The following GLDC variants were observed in gnomAD, a reference collection of about 807,000 sequenced individuals.
GLDC encodes the protein glycine dehydrogenase (decarboxylating), mitochondrial.
Under a neutral mutation model 121.3 loss-of-function variants are expected in GLDC, and 104 were observed. The observed-to-expected ratio is 0.86, with a 90% confidence interval of 0.73 to 1.01. The LOEUF is 1.01. Ranked by LOEUF, GLDC falls within the 50% of genes least tolerant of loss-of-function variation. The pLI, the probability that GLDC is intolerant of heterozygous loss-of-function variation, is 0.00. For missense variants in GLDC, 1,429 were observed against 1,306.6 expected (o/e 1.09, Z -1.44); for synonymous variants, 546 against 480.6 (o/e 1.14, Z -1.78).
chr9:6,599,231 G>C (rs1334183457), intron 8 of GLDC, among the ~76,000 whole-genome samples: 1 of 151,532 alleles, frequency 6.6e-6, no homozygotes, highest in Non-Finnish European at 1.5e-5. Context: ...GTTCACTGCA[G>C]ACAGCCCAAA....
chr9:6,644,452 C>G, intron 2 of GLDC, 162 bp downstream of exon 2: 1 of 672,514 alleles, frequency 1.5e-6, no homozygotes, highest in South Asian at 1.6e-5. Context: ...AACCAAATAT[C>G]CCACCTTCCC....
At chr9:6,584,457 T>C (rs1331917287) in intron 15 of GLDC, among the ~76,000 whole-genome samples, 1 of 152,220 alleles carries the variant, frequency 6.6e-6, no homozygotes, top group Non-Finnish European at 1.5e-5. Flanking sequence ...AGCCCTGTTG[T>C]AGACACAGAA....
chr9:6,543,235 A>C (rs1387781573), intron 21 of GLDC, among the ~76,000 whole-genome samples: 1 of 152,164 alleles, frequency 6.6e-6, no homozygotes, highest in Non-Finnish European at 1.5e-5. Context: ...TGATAATGTG[A>C]CTGTACTCCA....
chr9:6,542,835 G>A (rs980382285), intron 21 of GLDC, among the ~76,000 whole-genome samples: 4 of 137,348 alleles, frequency 2.9e-5, no homozygotes, highest in Middle Eastern at 9.4e-3. Context: ...GCAGTGAGCC[G>A]AGATCACATC....
chr9:6,585,397 G>C (rs569347544), intron 15 of GLDC, among the ~76,000 whole-genome samples: 4 of 152,266 alleles, frequency 2.6e-5, no homozygotes, highest in East Asian at 3.9e-4. Flanking sequence ...ACTGAGGTTT[G>C]TCTCTTAAAA....
intron 3 of GLDC, among the ~76,000 whole-genome samples, chr9:6,611,078 G>C (rs1040599557): frequency 6.6e-6 from 1 of 152,326 alleles, no homozygotes; most frequent in Non-Finnish European, 1.5e-5. Context: ...TACATGCTAA[G>C]AAATTAATAG....
chr9:6,642,341 C>A (rs1027026532), intron 2 of GLDC, among the ~76,000 whole-genome samples: 2 of 151,908 alleles, frequency 1.3e-5, no homozygotes, highest in Non-Finnish European at 2.9e-5. Flanking sequence ...ACCAGCCTGG[C>A]CAACATGGAG....
At chr9:6,574,700 C>T (rs1818030478) in intron 15 of GLDC, among the ~76,000 whole-genome samples, 1 of 152,092 alleles carries the variant, frequency 6.6e-6, no homozygotes, top group Non-Finnish European at 1.5e-5. Context: ...TCATCCCTCA[C>T]CCTGCTTTTT....
chr9:6,635,188 C>A (rs1471657680), intron 2 of GLDC, among the ~76,000 whole-genome samples: 1 of 152,184 alleles, frequency 6.6e-6, no homozygotes, highest in African/African-American at 2.4e-5. Context: ...CTGGGGATAT[C>A]TTTATCATCT....
rs1340780517 is a variant in GLDC at position 6,595,071 on chromosome 9, G to A, written c.1204C>T (p.His402Tyr). 1 of 1,613,474 alleles carries A rather than the reference G, an allele frequency of 6.2e-7. No individual in the cohort carries two copies. Among genetic ancestry groups the A allele is most frequent in the South Asian group, 1.1e-5 (1 of 91,064 alleles). Residue 402 changes from histidine (H) to tyrosine (Y), a missense_variant, in exon 9 of 25, where the codon CAT becomes TAT. Coordinates refer to ENST00000321612, the MANE Select transcript of GLDC (RefSeq NM_000170.3). ...AAMFAIYHGS[H>Y]GLEHIARRVH... ...CTCCTAGCAATATGCTCCAGCCCAT[G>A]GGAACCATGGTAGATTGCAAACATG...
chr9:6,550,646 A>G (rs1210284450), intron 21 of GLDC, among the ~76,000 whole-genome samples, 157 bp downstream of exon 21: 1 of 152,166 alleles, frequency 6.6e-6, no homozygotes. Flanking sequence ...AAGATAAAAT[A>G]AAATAAACCC....
intron 22 of GLDC, 144 bp downstream of exon 22, chr9:6,539,907 A>G (rs771526466): frequency 1.5e-4 from 103 of 687,052 alleles, no homozygotes; most frequent in Non-Finnish European, 2.6e-4. Context: ...TTTTTTCTCT[A>G]TTATTTTGGA....
intron 15 of GLDC, among the ~76,000 whole-genome samples, chr9:6,578,130 CT>C (rs931049650): frequency 1.1e-4 from 16 of 150,178 alleles, no homozygotes; most frequent in East Asian, 2.0e-4. Flanking sequence ...GTCCAGGCTT[CT>C]TTTTTTTTCG....
At chr9:6,548,238 T>C (rs1039099971) in intron 21 of GLDC, among the ~76,000 whole-genome samples, 2 of 152,244 alleles carry the variant, frequency 1.3e-5, no homozygotes, top group African/African-American at 4.8e-5. Flanking sequence ...TTACATTTTC[T>C]TTGTCATGCT....
At chr9:6,576,047 T>G (rs990817679) in intron 15 of GLDC, among the ~76,000 whole-genome samples, 1 of 152,210 alleles carries the variant, frequency 6.6e-6, no homozygotes, top group African/African-American at 2.4e-5. Flanking sequence ...CAAACACCCT[T>G]GGGATCAAAA....
intron 2 of GLDC, among the ~76,000 whole-genome samples, chr9:6,637,266 C>T (rs1468865995): frequency 1.3e-5 from 2 of 151,012 alleles, no homozygotes; most frequent in Admixed American, 6.6e-5. Context: ...ATTAGACAGG[C>T]GTGGTGGCAG....
intron 18 of GLDC, 59 bp downstream of exon 18, chr9:6,556,094 T>A: frequency 6.8e-7 from 1 of 1,480,250 alleles, no homozygotes; most frequent in Non-Finnish European, 9.4e-7. Context: ...GAATTTTTTT[T>A]TTTTTCCACA....
At chr9:6,641,574 A>T (rs1435949029) in intron 2 of GLDC, among the ~76,000 whole-genome samples, 1 of 152,196 alleles carries the variant, frequency 6.6e-6, no homozygotes, top group Non-Finnish European at 1.5e-5. Context: ...ACCAGCTATG[A>T]CCTTGGGCAA....
chr9:6,628,460 G>T (rs1477778402), intron 2 of GLDC, among the ~76,000 whole-genome samples: 1 of 152,154 alleles, frequency 6.6e-6, no homozygotes, highest in African/African-American at 2.4e-5. Context: ...AACCAGGGGG[G>T]AAAGAGACCA....
Sources: allele counts gnomAD v4.1 joint callset (sites outside exome capture counted in the v4.1 genomes callset), GRCh38; gene constraint gnomAD v4.1.1; transcripts MANE v1.5; gene names NCBI Gene and HGNC (gene_info 2026-07-23, HGNC 2026-07-21).